CMSS1: variants seen among roughly 807,000 people sequenced by gnomAD.
CMSS1 encodes cms1 ribosomal small subunit homolog, also known as protein CMSS1.
A neutral mutation model predicts 43.5 loss-of-function variants in CMSS1; 33 were observed. The observed-to-expected ratio is 0.76, with a 90% CI of 0.57 to 1.01. The LOEUF (loss-of-function observed/expected upper bound fraction) is 1.01, where lower values mean the gene tolerates loss of function less well. Ranked by LOEUF, CMSS1 falls within the 50% of genes least tolerant of loss-of-function variation. The probability of loss-of-function intolerance (pLI) is 0.00; values close to 1 mark genes in which losing one functional copy is unlikely to be tolerated. For missense variants in CMSS1, 313 were observed against 326.4 expected, an observed-to-expected ratio of 0.96 and a Z score of 0.32; for synonymous variants, 115 against 117.2, an observed-to-expected ratio of 0.98 and a Z score of 0.12.
intron 1 of CMSS1, among the ~76,000 whole-genome samples, chr3:99,983,400 A>G (rs1458423342): frequency 9.1e-6 from 1 of 110,106 alleles, no homozygotes; most frequent in Non-Finnish European, 1.8e-5. Flanking sequence ...ATATATATAT[A>G]TATATATATA....
intron 1 of CMSS1, among the ~76,000 whole-genome samples, chr3:100,022,257 A>G (rs2064839526): frequency 6.6e-6 from 1 of 152,158 alleles, no homozygotes; most frequent in Admixed American, 6.5e-5. Flanking sequence ...TCTGTCCTGA[A>G]GAAAAGGAGC....
At chr3:100,065,790 A>G (rs778166787) in intron 1 of CMSS1, among the ~76,000 whole-genome samples, 4 of 152,192 alleles carry the variant, frequency 2.6e-5, no homozygotes, top group Non-Finnish European at 5.9e-5. Context: ...ATAAAACGTT[A>G]TATTTCAATA....
At chr3:99,932,781 C>T (rs1433012178) in intron 1 of CMSS1, among the ~76,000 whole-genome samples, 1 of 152,152 alleles carries the variant, frequency 6.6e-6, no homozygotes, top group African/African-American at 2.4e-5. Flanking sequence ...ATCCCAGCTA[C>T]TCAGGAGGCT....
chr3:99,841,785 A>G lies in CMSS1; in HGVS notation c.64+23742A>G, dbSNP rs565338713. On this transcript the variant is annotated intron_variant, in intron 1 of 9. Coordinates refer to ENST00000421999, the MANE Select transcript of CMSS1 (RefSeq NM_032359.4). ...ATGCAAATCAAAACCACAGTGCAAT[A>G]CCACCTTACTCCTGCAAGAATGGCC... Among the ~76,000 whole-genome samples the G allele has an allele frequency of 5.6e-4, 86 of 152,320 alleles. 1 individual carries two copies. The highest frequency in any genetic ancestry group is 3.4e-3 in the Middle Eastern group (1 of 294).
At chr3:99,832,995 A>C (rs28728176) in intron 1 of CMSS1, 1 of 496,824 alleles carries the variant, frequency 2.0e-6, no homozygotes, top group Non-Finnish European at 3.5e-6. Context: ...AGTTTTGTCC[A>C]AATTTGGAAT....
chr3:100,154,596 AT>A (rs1301337353), intron 2 of CMSS1, among the ~76,000 whole-genome samples: 3 of 152,238 alleles, frequency 2.0e-5, no homozygotes, highest in Non-Finnish European at 4.4e-5. Flanking sequence ...TTTTATCTTT[AT>A]AATGAACATG....
At chr3:100,166,283 T>TTG in intron 4 of CMSS1, 52 bp from the exon 5 acceptor site, 2 of 1,179,612 alleles carry the variant, frequency 1.7e-6, no homozygotes, top group Non-Finnish European at 2.5e-6. Flanking sequence ...TCTGTTTTGA[T>TTG]TGTGTGTGTG....
chr3:99,979,423 A>G (rs941453875), intron 1 of CMSS1, among the ~76,000 whole-genome samples: 2 of 152,236 alleles, frequency 1.3e-5, no homozygotes, highest in African/African-American at 4.8e-5. Flanking sequence ...TATCATGTCC[A>G]CTTTTCTAAT....
chr3:100,141,243 A>T (rs2066802099), intron 1 of CMSS1, among the ~76,000 whole-genome samples: 1 of 152,226 alleles, frequency 6.6e-6, no homozygotes, highest in Non-Finnish European at 1.5e-5. Flanking sequence ...CTAGTGCAGG[A>T]TGCCAGCACT....
chr3:100,031,794 C>T (rs1304167343), intron 1 of CMSS1, among the ~76,000 whole-genome samples: 1 of 152,100 alleles, frequency 6.6e-6, no homozygotes, highest in Non-Finnish European at 1.5e-5. Context: ...AGGGCAGTGT[C>T]AACAGACTTT....
chr3:99,980,270 C>G (rs183636850), intron 1 of CMSS1, among the ~76,000 whole-genome samples: 2 of 152,110 alleles, frequency 1.3e-5, no homozygotes, highest in South Asian at 2.1e-4. Flanking sequence ...ACTAATCTTA[C>G]CTCTGTGACT....
chr3:99,852,665 C>T (rs1250588805), intron 1 of CMSS1, among the ~76,000 whole-genome samples: 2 of 152,008 alleles, frequency 1.3e-5, no homozygotes, highest in African/African-American at 2.4e-5. Flanking sequence ...AGGATGGTCT[C>T]GATCTCCTGA....
At chr3:100,062,256 C>T (rs1295230954) in intron 1 of CMSS1, among the ~76,000 whole-genome samples, 2 of 151,514 alleles carry the variant, frequency 1.3e-5, no homozygotes, top group African/African-American at 4.9e-5. Context: ...GGACTACAGG[C>T]GCTCGCCACC....
intron 1 of CMSS1, among the ~76,000 whole-genome samples, chr3:99,846,880 G>A (rs145095771): frequency 3.9e-5 from 6 of 152,238 alleles, no homozygotes; most frequent in African/African-American, 1.4e-4. Context: ...TTAGAAAAAG[G>A]GAAATGGCAA....
At chr3:99,973,241 CTCT>C (rs1202048096) in intron 1 of CMSS1, among the ~76,000 whole-genome samples, 12 of 152,106 alleles carry the variant, frequency 7.9e-5, no homozygotes, top group Non-Finnish European at 1.6e-4. Context: ...AATTTTTTTT[CTCT>C]TCTTGTGATC....
chr3:100,069,019 T>G (rs2065716247), intron 1 of CMSS1, among the ~76,000 whole-genome samples: 2 of 152,186 alleles, frequency 1.3e-5, no homozygotes, highest in Non-Finnish European at 2.9e-5. Flanking sequence ...GATAGAACGT[T>G]AGCAAGTACC....
At chr3:99,999,001 A>G (rs1160291346) in intron 1 of CMSS1, among the ~76,000 whole-genome samples, 2 of 152,316 alleles carry the variant, frequency 1.3e-5, no homozygotes, top group East Asian at 3.9e-4. Flanking sequence ...TTATTCTTTA[A>G]TACTTAGCTT....
intron 1 of CMSS1, among the ~76,000 whole-genome samples, chr3:100,126,477 A>G (rs2066662837): frequency 6.6e-6 from 1 of 152,222 alleles, no homozygotes. Context: ...ATGGGTTCCT[A>G]CAAACGTAGA....
At chr3:99,865,689 A>G (rs543654000) in intron 1 of CMSS1, among the ~76,000 whole-genome samples, 3 of 152,204 alleles carry the variant, frequency 2.0e-5, no homozygotes, top group African/African-American at 4.8e-5. Context: ...CAAGGAACCT[A>G]AAGTTCTTGG....
Sources: gnomAD v4.1 joint callset for allele counts (sites outside exome capture counted in the v4.1 genomes callset) on GRCh38, gnomAD v4.1.1 for gene constraint, MANE v1.5 for transcripts, NCBI Gene and HGNC (gene_info 2026-07-23, HGNC 2026-07-21) for gene names.